The following MGMT variants were observed in gnomAD, a reference collection of about 807,000 sequenced individuals.
MGMT encodes the protein O-6-methylguanine-DNA methyltransferase.
A neutral mutation model predicts 15.9 loss-of-function variants in MGMT; 14 were observed. The ratio of observed to expected loss-of-function variants is 0.88; its 90% confidence interval spans 0.58 to 1.37. The LOEUF is 1.37. MGMT is among the 40% of genes most tolerant of loss of function. The pLI, the probability that MGMT is intolerant of heterozygous loss-of-function variation, is 0.00. For synonymous variants in MGMT, 130 were observed against 118.2 expected, an observed-to-expected ratio of 1.10 and a Z score of -0.65; for missense variants, 282 against 268.1, an observed-to-expected ratio of 1.05 and a Z score of -0.36.
At chr10:129,513,786 G>A (rs767081546) in intron 1 of MGMT, among the ~76,000 whole-genome samples, 1 of 152,184 alleles carries the variant, frequency 6.6e-6, no homozygotes, top group African/African-American at 2.4e-5. Flanking sequence ...ATGTTGGAGC[G>A]TCTTTTCTTC....
intron 1 of MGMT, 27 bp downstream of exon 1, chr10:129,467,323 G>T (rs1256688270): frequency 6.5e-7 from 1 of 1,530,858 alleles, no homozygotes; most frequent in East Asian, 2.6e-5. Flanking sequence ...CCTCGCTCCC[G>T]GAAGAGTGCG....
intron 2 of MGMT, among the ~76,000 whole-genome samples, chr10:129,564,781 A>T (rs117271077): frequency 0.037 from 5,299 of 143,224 alleles, 142 homozygotes; most frequent in South Asian, 0.072. Context: ...CCTTCCTCAC[A>T]CGCCCCCCTC....
intron 3 of MGMT, among the ~76,000 whole-genome samples, chr10:129,754,595 A>G (rs1387486349): frequency 1.3e-5 from 2 of 152,334 alleles, no homozygotes; most frequent in Non-Finnish European, 2.9e-5. Context: ...TGCTATAACA[A>G]CACTGCCATC....
At position 129,533,956 on chromosome 10, in the gene MGMT, A is replaced by G. The variant is rs1291541758; in HGVS notation, c.-12-2285A>G. The stretch of plus-strand genomic sequence containing the variant: ...GTTGGGGCAGCGTACTCCAGGGGAT[A>G]AGATCAGAGGTGAAGGGGGTTGGGC... On this transcript the variant is annotated intron_variant, in intron 1 of 4. Coordinates refer to ENST00000651593, the MANE Select transcript of MGMT (RefSeq NM_002412.5). This position sits in a 1 kb window ranked among gnomAD's most constrained non-coding sequence, Gnocchi z 4.5. 6.6e-6 allele frequency among the ~76,000 whole-genome samples: 1 copy of G among 152,144 alleles called. No individual in the cohort carries two copies. The highest frequency in any genetic ancestry group is 1.5e-5 in the Non-Finnish European group (1 of 68,036).
In MGMT at chr10:129,646,754, A is replaced by ATATTTTTTTTTTTT; in HGVS notation, c.126-61140_126-61139insATTTTTTTTTTTTT. On this transcript the variant is annotated intron_variant, in intron 2 of 4. Coordinates refer to ENST00000651593, the MANE Select transcript of MGMT (RefSeq NM_002412.5). ...TATATATATATATATATATATATATATTTTCAGGGAATGGTAGAGAACAGT... is the reference window on the plus strand; with the variant it reads ...TATATATATATATATATATATATATATATTTTTTTTTTTTTTTTCAGGGAATGGTAGAGAACAGT... 2.4e-4 allele frequency among the ~76,000 whole-genome samples: 21 copies of ATATTTTTTTTTTTT among 86,676 alleles called. 1 individual carries two copies. Among genetic ancestry groups the ATATTTTTTTTTTTT allele is most frequent in the African/African-American group, 8.3e-4 (21 of 25,452 alleles). The allele number at this position is 86,676 out of a possible 152,430, so 56.9% of individuals were successfully genotyped here.
At chr10:129,574,766 T>G (rs1490395952) in intron 2 of MGMT, among the ~76,000 whole-genome samples, 2 of 152,212 alleles carry the variant, frequency 1.3e-5, no homozygotes, top group East Asian at 3.8e-4. Flanking sequence ...TGTCGCAGAC[T>G]TGATGATGTA....
intron 2 of MGMT, among the ~76,000 whole-genome samples, chr10:129,638,446 G>GAAAAAAAAAAAAAAAAAAAAAAAAA (rs1157292152): frequency 1.7e-4 from 16 of 96,302 alleles, no homozygotes; most frequent in South Asian, 3.9e-4. Flanking sequence ...AAAAAAAAAA[G>GAAAAAAAAAAAAAAAAAAAAAAAAA]AAAAAAAAAA....
At chr10:129,553,797 T>TGCCC (rs1239654974) in intron 2 of MGMT, among the ~76,000 whole-genome samples, 21 of 152,180 alleles carry the variant, frequency 1.4e-4, no homozygotes, top group African/African-American at 4.8e-4. Flanking sequence ...GTTGCCTGCC[T>TGCCC]GCCCCAAACG....
intron 2 of MGMT, among the ~76,000 whole-genome samples, chr10:129,683,596 T>C (rs945894351): frequency 6.6e-6 from 1 of 152,192 alleles, no homozygotes; most frequent in African/African-American, 2.4e-5. Flanking sequence ...TTGACAGTAA[T>C]ATATTTTAAC....
chr10:129,496,702 GA>G (rs1845525520), intron 1 of MGMT, among the ~76,000 whole-genome samples: 1 of 151,864 alleles, frequency 6.6e-6, no homozygotes, highest in Non-Finnish European at 1.5e-5. Context: ...AGGTTCCTGG[GA>G]AAAAAATACA....
rs1000385720 is a variant in MGMT, at chr10:129,695,533, T to G, written c.126-12362T>G. ...TTGTCTTCAGAACATTTAGTTATGA[T>G]TGTTAAATTTAAATTACGATATATT... On this transcript the variant is annotated intron_variant, in intron 2 of 4. Transcript: ENST00000651593. 7.9e-5 allele frequency among the ~76,000 whole-genome samples: 12 copies of G among 152,322 alleles called. 1 individual carries two copies. Among genetic ancestry groups the G allele is most frequent in the Admixed American group, 7.8e-4 (12 of 15,296 alleles).
At chr10:129,737,405 C>G (rs1248440222) in intron 3 of MGMT, among the ~76,000 whole-genome samples, 1 of 152,174 alleles carries the variant, frequency 6.6e-6, no homozygotes, top group African/African-American at 2.4e-5. Context: ...TCAGCTCCAT[C>G]AGCTCCTTTA....
intron 2 of MGMT, among the ~76,000 whole-genome samples, chr10:129,682,630 C>T (rs1847865546): frequency 6.6e-6 from 1 of 151,980 alleles, no homozygotes; most frequent in Non-Finnish European, 1.5e-5. Flanking sequence ...AATAAAAATA[C>T]ATAAGAATTT....
intron 1 of MGMT, 98 bp downstream of exon 1, chr10:129,467,394 T>G: frequency 7.2e-7 from 1 of 1,387,556 alleles, no homozygotes; most frequent in Non-Finnish European, 9.3e-7. Context: ...CACTTCGCCG[T>G]CGGGTGTGGG....
intron 2 of MGMT, among the ~76,000 whole-genome samples, chr10:129,593,278 T>C (rs1846711085): frequency 2.6e-5 from 4 of 152,196 alleles, no homozygotes; most frequent in Non-Finnish European, 5.9e-5. Flanking sequence ...GTGGGTGAAA[T>C]GGAGCTGGTA....
chr10:129,503,805 T>A lies in MGMT; in HGVS notation c.-12-32436T>A, dbSNP rs144516579. Among the ~76,000 whole-genome samples the A allele has an allele frequency of 8.0e-4, 122 of 152,376 alleles. 1 individual carries two copies. Among genetic ancestry groups the A allele is most frequent in the Non-Finnish European group, 1.7e-3 (114 of 68,044 alleles). On this transcript the variant is annotated intron_variant, in intron 1 of 4. Coordinates refer to ENST00000651593, the MANE Select transcript of MGMT (RefSeq NM_002412.5). ...GGGCTGAAATGTTGTATTCTCTTTG[T>A]AGCAATGCCCCTGGTCTTAATGTTA...
At chr10:129,580,011 T>C (rs1279554028) in intron 2 of MGMT, among the ~76,000 whole-genome samples, 1 of 152,208 alleles carries the variant, frequency 6.6e-6, no homozygotes, top group Non-Finnish European at 1.5e-5. Context: ...TGTCAGGTGC[T>C]TATTTTTGTT....
chr10:129,567,218 G>A (rs375841230), intron 2 of MGMT, among the ~76,000 whole-genome samples: 18 of 152,086 alleles, frequency 1.2e-4, no homozygotes, highest in African/African-American at 2.9e-4. Context: ...CCTGTGGCCC[G>A]TCCCCTCCAC....
chr10:129,705,041 TAAC>T (rs948852430), intron 2 of MGMT, among the ~76,000 whole-genome samples: 9 of 152,206 alleles, frequency 5.9e-5, no homozygotes, highest in African/African-American at 1.4e-4. Context: ...CACACGAAAA[TAAC>T]AACACGGGTG....
Sources: allele counts gnomAD v4.1 joint callset (sites outside exome capture counted in the v4.1 genomes callset), GRCh38; gene constraint gnomAD v4.1.1; non-coding constraint Gnocchi (gnomAD v3.1); transcripts MANE v1.5; gene names NCBI Gene and HGNC (gene_info 2026-07-23, HGNC 2026-07-21).